KATNBL1: variants seen among roughly 807,000 people sequenced by gnomAD.
KATNBL1 encodes katanin regulatory subunit B1 like 1.
Under a neutral mutation model 44.7 loss-of-function variants are expected in KATNBL1, and 28 were observed. That is an observed-to-expected ratio of 0.63 (90% CI 0.46 to 0.86). The LOEUF is 0.86. KATNBL1 is among the 40% of genes least tolerant of loss of function. The probability of loss-of-function intolerance (pLI) is 0.00; values close to 1 mark genes in which losing one functional copy is unlikely to be tolerated. For missense variants in KATNBL1, 272 were observed against 350.7 expected (o/e 0.78, Z 1.79); for synonymous variants, 78 against 114.9 (o/e 0.68, Z 2.06).
At chr15:34,148,403 T>G (rs1888372893) in intron 5 of KATNBL1, 1 of 330,330 alleles carries the variant, frequency 3.0e-6, no homozygotes, top group Non-Finnish European at 5.7e-6. Context: ...CCGGGAAACA[T>G]AAGACCTCAT....
At chr15:34,185,242 TTACAGGCATGCACC>T (rs892509117) in intron 1 of KATNBL1, among the ~76,000 whole-genome samples, 1 of 152,220 alleles carries the variant, frequency 6.6e-6, no homozygotes. Context: ...AGTGCTGGGA[TTACAGGCATGCACC>T]ACTGTGCTGG....
At chr15:34,173,177 G>C (rs1479458149) in intron 1 of KATNBL1, among the ~76,000 whole-genome samples, 1 of 151,610 alleles carries the variant, frequency 6.6e-6, no homozygotes, top group African/African-American at 2.4e-5. Context: ...TTTAGAAAGA[G>C]TACAAGACAG....
intron 1 of KATNBL1, among the ~76,000 whole-genome samples, chr15:34,171,320 C>T (rs1889152500): frequency 3.3e-5 from 5 of 152,142 alleles, no homozygotes; most frequent in Admixed American, 3.3e-4. Flanking sequence ...ATGCAGCCAA[C>T]AGACATATGA....
At chr15:34,165,617 T>C (rs1234068883) in intron 1 of KATNBL1, among the ~76,000 whole-genome samples, 3 of 152,108 alleles carry the variant, frequency 2.0e-5, no homozygotes, top group East Asian at 1.9e-4. Context: ...TCAAACATGG[T>C]GAAACCCTGT....
chr15:34,209,767 G>A (rs1170477699), intron 1 of KATNBL1, 184 bp downstream of exon 1: 3 of 151,226 alleles, frequency 2.0e-5, no homozygotes, highest in African/African-American at 7.3e-5. Context: ...ACCGGCAGAG[G>A]GGCTCCGCCC....
At chr15:34,209,244 C>A (rs1329446049) in intron 1 of KATNBL1, 4 of 152,170 alleles carry the variant, frequency 2.6e-5, no homozygotes, top group African/African-American at 9.7e-5. Context: ...AAGTGCTGAA[C>A]TGATGATTAT....
intron 1 of KATNBL1, among the ~76,000 whole-genome samples, chr15:34,196,475 C>T (rs1790369948): frequency 6.6e-6 from 1 of 152,016 alleles, no homozygotes; most frequent in South Asian, 2.1e-4. Context: ...GCCTGTCAAT[C>T]CCAGCACTTT....
At chr15:34,203,095 T>C (rs1890211384) in intron 1 of KATNBL1, among the ~76,000 whole-genome samples, 1 of 152,230 alleles carries the variant, frequency 6.6e-6, no homozygotes, top group Non-Finnish European at 1.5e-5. Flanking sequence ...GGATATCCAA[T>C]AGTCATCTAT....
intron 4 of KATNBL1, among the ~76,000 whole-genome samples, chr15:34,150,915 C>T (rs939443664): frequency 2.0e-5 from 3 of 152,182 alleles, no homozygotes; most frequent in Non-Finnish European, 1.5e-5. Flanking sequence ...TCCAGGTTCA[C>T]TCGTGATTGC....
intron 1 of KATNBL1, among the ~76,000 whole-genome samples, chr15:34,189,175 C>T (rs1019078768): frequency 6.6e-6 from 1 of 152,158 alleles, no homozygotes; most frequent in Non-Finnish European, 1.5e-5. Flanking sequence ...CAGGCATGCG[C>T]CACCACGCCC....
At chr15:34,207,775 A>C (rs760440895) in intron 1 of KATNBL1, among the ~76,000 whole-genome samples, 1 of 152,082 alleles carries the variant, frequency 6.6e-6, no homozygotes. Context: ...AAAATATTTT[A>C]AATTTTTTGT....
rs988516826 is a variant in KATNBL1, at chr15:34,210,055, G to A, written c.-119C>T. On this transcript the variant is annotated 5_prime_UTR_variant, in exon 1 of 10. Transcript: ENST00000256544. Reference sequence around the variant, plus strand: ...GCTTCTGGGCCGAGTCCCACTCAGGGCCATTCAAACGCGGCCGCGCGCGCG... The same window carrying A: ...GCTTCTGGGCCGAGTCCCACTCAGGACCATTCAAACGCGGCCGCGCGCGCG... 2.7e-5 allele frequency: 4 copies of A among 149,762 alleles called. No homozygotes were observed. The highest frequency in any genetic ancestry group is 9.8e-5 in the African/African-American group (4 of 40,984). 9.3% of individuals were successfully genotyped at this position (149,762 alleles called of 1,614,324 possible).
intron 1 of KATNBL1, among the ~76,000 whole-genome samples, chr15:34,190,472 T>C (rs963625485): frequency 3.3e-5 from 5 of 152,166 alleles, no homozygotes; most frequent in Admixed American, 6.5e-5. Flanking sequence ...ATTGTAAACA[T>C]GAAATAAAGG....
chr15:34,145,560 T>C (rs1404306821), intron 8 of KATNBL1, 69 bp from the exon 9 acceptor site: 2 of 1,249,238 alleles, frequency 1.6e-6, no homozygotes, highest in Non-Finnish European at 2.1e-6. Flanking sequence ...ATCATAAATA[T>C]GCATAATAAA....
At chr15:34,170,567 G>T (rs28813796) in intron 1 of KATNBL1, among the ~76,000 whole-genome samples, 49,896 of 152,002 alleles carry the variant, frequency 0.33, 8,617 homozygotes, top group African/African-American at 0.45. Flanking sequence ...TGACTTTCTT[G>T]GAAGAATTGG....
chr15:34,179,372 A>G (rs979033834), intron 1 of KATNBL1, among the ~76,000 whole-genome samples: 5 of 152,232 alleles, frequency 3.3e-5, no homozygotes, highest in African/African-American at 1.2e-4. Flanking sequence ...ATATTAATCT[A>G]TTCATGACAG....
At chr15:34,207,036 A>AC (rs1450524375) in intron 1 of KATNBL1, among the ~76,000 whole-genome samples, 55 of 123,066 alleles carry the variant, frequency 4.5e-4, no homozygotes, top group African/African-American at 1.4e-3. Context: ...ACTAGACAAT[A>AC]CTTTTTTTTT....
At chr15:34,181,361 T>G (rs1008487035) in intron 1 of KATNBL1, among the ~76,000 whole-genome samples, 2 of 151,990 alleles carry the variant, frequency 1.3e-5, no homozygotes, top group African/African-American at 4.8e-5. Context: ...TTTTTGGAAC[T>G]GATTTGCTAC....
intron 4 of KATNBL1, among the ~76,000 whole-genome samples, chr15:34,149,500 T>C (rs1454275916): frequency 2.0e-5 from 3 of 152,046 alleles, no homozygotes; most frequent in African/African-American, 7.2e-5. Flanking sequence ...CTCAGCTCAC[T>C]GCAACCTCCG....
Sources: allele counts gnomAD v4.1 joint callset (sites outside exome capture counted in the v4.1 genomes callset), GRCh38; gene constraint gnomAD v4.1.1; transcripts MANE v1.5; gene names NCBI Gene and HGNC (gene_info 2026-07-23, HGNC 2026-07-21).